TIMM23B: variants seen among roughly 807,000 people sequenced by gnomAD.
TIMM23B encodes mitochondrial import inner membrane translocase subunit Tim23B.
In TIMM23B, 27 loss-of-function variants were observed where a neutral mutation model predicts 27.3. That is an observed-to-expected ratio of 0.99 (90% CI 0.73 to 1.36). The LOEUF is 1.36. Ranked by LOEUF, TIMM23B falls within the 40% of genes most tolerant of loss-of-function variation. The pLI, the probability that TIMM23B is intolerant of heterozygous loss-of-function variation, is 0.00. For missense variants in TIMM23B, 205 were observed against 244.2 expected, an observed-to-expected ratio of 0.84 and a Z score of 1.07; for synonymous variants, 73 against 92.4, an observed-to-expected ratio of 0.79 and a Z score of 1.21.
intron 6 of TIMM23B, among the ~76,000 whole-genome samples, chr10:49,959,364 A>G (rs1173936277): frequency 2.0e-5 from 3 of 152,334 alleles, no homozygotes; most frequent in East Asian, 1.9e-4. Flanking sequence ...CTGTAAGTCA[A>G]TTTAGAGCAT....
chr10:49,962,238 C>G (rs1839944803), intron 6 of TIMM23B, among the ~76,000 whole-genome samples: 1 of 147,124 alleles, frequency 6.8e-6, no homozygotes, highest in African/African-American at 2.5e-5. Flanking sequence ...GAGTTTTGCT[C>G]TGTCGCCAGG....
At chr10:49,948,168 G>T (rs1839413003) in intron 2 of TIMM23B, among the ~76,000 whole-genome samples, 1 of 152,184 alleles carries the variant, frequency 6.6e-6, no homozygotes, top group African/African-American at 2.4e-5. Flanking sequence ...AAACCACAAT[G>T]AGATGCCTCT....
chr10:49,973,363 A>G lies in TIMM23B; in HGVS notation c.*299A>G. ...TCAATTCATTGCCTACATGTCAGCA[A>G]ACAAATTTTCTTCTTAATAAAGAAT... On this transcript the variant is annotated 3_prime_UTR_variant, in exon 7 of 7. Transcript: ENST00000651259. 1 of 392,950 alleles carries G rather than the reference A, an allele frequency of 2.5e-6. No homozygotes were observed. Among genetic ancestry groups the G allele is most frequent in the Admixed American group, 4.2e-5 (1 of 23,860 alleles). 24.3% of individuals were successfully genotyped at this position (392,950 alleles called of 1,614,324 possible). A position where few individuals can be genotyped will look rare whatever the true frequency, so the allele number is the denominator to read the frequency against.
intron 2 of TIMM23B, among the ~76,000 whole-genome samples, chr10:49,948,249 C>T (rs1839414885): frequency 6.6e-6 from 1 of 151,990 alleles, no homozygotes; most frequent in Admixed American, 6.6e-5. Context: ...AGAAATTGGA[C>T]CTCTGTACAT....
intron 6 of TIMM23B, among the ~76,000 whole-genome samples, chr10:49,964,096 A>T (rs1554854993): frequency 6.6e-6 from 1 of 151,802 alleles, no homozygotes; most frequent in Non-Finnish European, 1.5e-5. Context: ...GAATGGGAAT[A>T]TGGGAATGGA....
intron 1 of TIMM23B, 61 bp downstream of exon 1, chr10:49,942,361 G>A: frequency 6.4e-7 from 1 of 1,562,380 alleles, no homozygotes; most frequent in Non-Finnish European, 8.7e-7. Context: ...CACTAAAGTT[G>A]CGCGTCCCAT....
intron 1 of TIMM23B, among the ~76,000 whole-genome samples, chr10:49,942,916 C>T (rs1311505948): frequency 6.6e-6 from 1 of 152,172 alleles, no homozygotes; most frequent in Admixed American, 6.5e-5. Flanking sequence ...CTTTGCCTCT[C>T]CTCGGTCTTG....
chr10:49,968,024 A>G (rs570191323), intron 6 of TIMM23B, among the ~76,000 whole-genome samples: 65 of 152,274 alleles, frequency 4.3e-4, no homozygotes, highest in African/African-American at 1.5e-3. Context: ...ATCTTTTTCA[A>G]CATAATTTGG....
chr10:49,945,072 T>C lies in TIMM23B; in HGVS notation c.147T>C (p.Asp49=), dbSNP rs1839313630. The part of the protein sequence containing the change: ...MNPLCPYLNV[D]PRYLVQDTDE... ...CTCTGTGTCCTTATTTAAATGTGGA[T>C]CCACGATACCTCGTGCAGGTAAGAC... Residue 49 remains aspartate (D), a synonymous_variant, in exon 2 of 7, where the codon GAT becomes GAC. Coordinates refer to ENST00000651259, the MANE Select transcript of TIMM23B (RefSeq NM_001290117.2). 3 of 1,607,786 alleles carry C rather than the reference T, an allele frequency of 1.9e-6. No individual in the cohort carries two copies. The highest frequency in any genetic ancestry group is 1.3e-5 in the African/African-American group (1 of 74,586).
intron 5 of TIMM23B, among the ~76,000 whole-genome samples, chr10:49,957,602 A>T (rs1245968127): frequency 6.6e-6 from 1 of 152,058 alleles, no homozygotes; most frequent in Non-Finnish European, 1.5e-5. Context: ...CAAGGAATAC[A>T]TAAGGTGAGG....
At chr10:49,962,586 A>G (rs1462962900) in intron 6 of TIMM23B, among the ~76,000 whole-genome samples, 1 of 151,632 alleles carries the variant, frequency 6.6e-6, no homozygotes, top group Non-Finnish European at 1.5e-5. Context: ...TCCTATTCCC[A>G]TTGTCTTTTA....
chr10:49,963,675 A>T (rs1840003096), intron 6 of TIMM23B, among the ~76,000 whole-genome samples: 4 of 152,146 alleles, frequency 2.6e-5, no homozygotes, highest in Admixed American at 2.0e-4. Context: ...TATGAAATGA[A>T]ATACGAAATA....
At chr10:49,971,033 A>G (rs1174058828) in intron 6 of TIMM23B, among the ~76,000 whole-genome samples, 1 of 152,168 alleles carries the variant, frequency 6.6e-6, no homozygotes, top group Non-Finnish European at 1.5e-5. Context: ...CTTACCCCCA[A>G]CCCGGTGCTC....
intron 4 of TIMM23B, 103 bp from the exon 5 acceptor site, chr10:49,954,899 T>G (rs1384921836): frequency 7.9e-7 from 1 of 1,264,884 alleles, no homozygotes; most frequent in Non-Finnish European, 1.1e-6. Flanking sequence ...TAAAAAACTT[T>G]GCGCCCTGGG....
chr10:49,955,182 A>G, intron 5 of TIMM23B, 122 bp downstream of exon 5: 3 of 1,036,144 alleles, frequency 2.9e-6, no homozygotes, highest in Non-Finnish European at 4.5e-6. Flanking sequence ...GTTTAAATCC[A>G]TTCCAATGCA....
At chr10:49,961,495 G>T (rs1564685435) in intron 6 of TIMM23B, among the ~76,000 whole-genome samples, 1 of 152,094 alleles carries the variant, frequency 6.6e-6, no homozygotes, top group African/African-American at 2.4e-5. Flanking sequence ...GCAATATATG[G>T]GACTTTGAAT....
At chr10:49,968,077 C>G (rs1469793521) in intron 6 of TIMM23B, among the ~76,000 whole-genome samples, 2 of 152,122 alleles carry the variant, frequency 1.3e-5, no homozygotes, top group Admixed American at 1.3e-4. Context: ...CCTTGTACTG[C>G]CAATTGAAGT....
intron 4 of TIMM23B, 77 bp downstream of exon 4, chr10:49,952,610 T>G (rs1839570800): frequency 2.6e-5 from 39 of 1,513,178 alleles, no homozygotes; most frequent in Non-Finnish European, 3.3e-5. Flanking sequence ...GAGTACAACC[T>G]TGAGATTACA....
Position 49,965,973 on chromosome 10 carries a change from GTGAAA to G in TIMM23B, c.515-7027_515-7023del, listed in dbSNP as rs557148244. ...GATGAAATGAATAATGAAATGCTGG[GTGAAA>G]TGAAATGAAATAAATGAATAATGAA... On this transcript the variant is annotated intron_variant, in intron 6 of 6. Transcript: ENST00000651259. Among the ~76,000 whole-genome samples, 1,188 of 146,874 alleles carry G rather than the reference GTGAAA, an allele frequency of 8.1e-3. 29 individuals carry two copies. The highest frequency in any genetic ancestry group is 0.015 in the Admixed American group (224 of 14,790).
Sources: gnomAD v4.1 joint callset for allele counts (sites outside exome capture counted in the v4.1 genomes callset) on GRCh38, gnomAD v4.1.1 for gene constraint, MANE v1.5 for transcripts, NCBI Gene and HGNC (gene_info 2026-07-23, HGNC 2026-07-21) for gene names.